Variants in TRPC5 observed in about 807,000 individuals in gnomAD.
The protein encoded by TRPC5 is short transient receptor potential channel 5.
TRPC5 carries 9 observed loss-of-function variants against 56.5 expected under a neutral mutation model. The ratio of observed to expected loss-of-function variants is 0.16; its 90% CI spans 0.10 to 0.28. The LOEUF (loss-of-function observed/expected upper bound fraction) is 0.28, where lower values mean the gene tolerates loss of function less well. TRPC5 is among the 10% of genes least tolerant of loss of function. The pLI is 1.00. For synonymous variants in TRPC5, 282 were observed against 278.5 expected (o/e 1.01, Z -0.13); for missense variants, 469 against 748.9 (o/e 0.63, Z 4.36).
chrX:111,808,256 A>G (rs1470722285), intron 7 of TRPC5, among the ~76,000 whole-genome samples: 2 of 110,635 alleles, frequency 1.8e-5, no homozygotes, highest in Non-Finnish European at 3.8e-5. Flanking sequence ...CAGAGATACC[A>G]TACAGGAGCC....
chrX:111,955,395 G>A (rs1427805641), intron 1 of TRPC5, among the ~76,000 whole-genome samples: 1 of 111,912 alleles, frequency 8.9e-6, no homozygotes, highest in Non-Finnish European at 1.9e-5. Flanking sequence ...CATTAGGAAC[G>A]TTGCTGTGAC....
At chrX:111,909,171 A>C (rs923188768) in intron 3 of TRPC5, among the ~76,000 whole-genome samples, 1 of 104,899 alleles carries the variant, frequency 9.5e-6, no homozygotes, top group African/African-American at 3.5e-5. Context: ...AAAAAAAAAA[A>C]AACCAAAAAT....
In TRPC5 at chrX:111,967,469, GA is replaced by G. The variant is rs1319642007; in HGVS notation, c.-21-15029del. ...ACCAATGACTTTCTTCACAGAACTGGAAAAAAACTACTTTAAAGTTCATAGC... is the reference window on the plus strand; with the variant it reads ...ACCAATGACTTTCTTCACAGAACTGGAAAAAACTACTTTAAAGTTCATAGC... On this transcript the variant is annotated intron_variant, in intron 1 of 10. Transcript: ENST00000262839. Among the ~76,000 whole-genome samples, 5 of 111,522 alleles carry G rather than the reference GA, an allele frequency of 4.5e-5. No individual in the cohort carries two copies. The East Asian group carries it at 8.4e-4, about 19-fold the overall frequency.
chrX:111,932,979 C>A (rs991392228), intron 2 of TRPC5, among the ~76,000 whole-genome samples: 1 of 112,124 alleles, frequency 8.9e-6, no homozygotes, highest in Admixed American at 9.5e-5. Flanking sequence ...TTCCTTCTGA[C>A]CAGCGTGCCA....
intron 2 of TRPC5, among the ~76,000 whole-genome samples, chrX:111,915,803 A>G (rs781709299): frequency 1.8e-5 from 2 of 111,022 alleles, no homozygotes; most frequent in East Asian, 5.7e-4. Context: ...CTGTTTTCAC[A>G]TTAAGGAATT....
intron 7 of TRPC5, among the ~76,000 whole-genome samples, chrX:111,815,862 G>A (rs2148567730): frequency 9.0e-6 from 1 of 111,485 alleles, no homozygotes; most frequent in Admixed American, 9.6e-5. Flanking sequence ...GGACGGTGGA[G>A]AGTAGGTATA....
In TRPC5 at chrX:111,956,442, A is replaced by C. The variant is rs142244058; in HGVS notation, c.-21-4001T>G. The stretch of plus-strand genomic sequence containing the variant: ...TGAATGACTGGTAACACATTGAATA[A>C]ATAATTCTTAATATATACCGGGCAC... On this transcript the variant is annotated intron_variant, in intron 1 of 10. Coordinates refer to ENST00000262839, the MANE Select transcript of TRPC5 (RefSeq NM_012471.3). 1.9e-3 allele frequency among the ~76,000 whole-genome samples: 212 copies of C among 111,726 alleles called. 1 individual carries two copies. The highest frequency in any genetic ancestry group is 6.5e-3 in the African/African-American group (199 of 30,749).
intron 6 of TRPC5, among the ~76,000 whole-genome samples, chrX:111,841,634 C>A (rs767244615): frequency 8.9e-6 from 1 of 111,825 alleles, no homozygotes; most frequent in Admixed American, 9.5e-5. Context: ...TTTTACATTC[C>A]TTTGTCTTTA....
intron 3 of TRPC5, among the ~76,000 whole-genome samples, chrX:111,875,679 G>A (rs1394070352): frequency 5.2e-5 from 5 of 96,899 alleles, no homozygotes; most frequent in African/African-American, 2.0e-4. Context: ...CTTAAAGATT[G>A]CAGTTTATGC....
intron 1 of TRPC5, among the ~76,000 whole-genome samples, chrX:111,975,575 C>A (rs1016835052): frequency 3.6e-5 from 4 of 110,793 alleles, no homozygotes; most frequent in African/African-American, 1.3e-4. Context: ...ATCCCTCCCC[C>A]AGCCCCACAC....
chrX:111,827,900 C>T (rs1048934379), intron 7 of TRPC5, among the ~76,000 whole-genome samples: 1 of 111,300 alleles, frequency 9.0e-6, no homozygotes, highest in Non-Finnish European at 1.9e-5. Flanking sequence ...TGATCTGTCA[C>T]TCACTCCCAT....
chrX:111,813,463 A>G (rs1329631382), intron 7 of TRPC5, among the ~76,000 whole-genome samples: 1 of 112,410 alleles, frequency 8.9e-6, no homozygotes, highest in East Asian at 2.8e-4. Context: ...GGTTAAATGA[A>G]CATGCCTGTT....
intron 6 of TRPC5, among the ~76,000 whole-genome samples, chrX:111,842,153 T>TATATATATATATATATA (rs1922775981): frequency 1.1e-5 from 1 of 89,678 alleles, no homozygotes; most frequent in African/African-American, 5.9e-5. Context: ...TATATGTATA[T>TATATATATATATATATA]TTTAGATGGA....
At chrX:111,822,201 A>T (rs1385691335) in intron 7 of TRPC5, among the ~76,000 whole-genome samples, 1 of 111,293 alleles carries the variant, frequency 9.0e-6, no homozygotes, top group African/African-American at 3.3e-5. Context: ...TCCCCTCCTC[A>T]GTATTCCTCA....
At chrX:111,839,790 C>T (rs930557640) in intron 6 of TRPC5, among the ~76,000 whole-genome samples, 9 of 110,915 alleles carry the variant, frequency 8.1e-5, no homozygotes, top group Non-Finnish European at 3.8e-5. Context: ...AATTATTGCT[C>T]GCTGCAGTTT....
At chrX:111,788,452 A>G (rs1603027989) in intron 7 of TRPC5, among the ~76,000 whole-genome samples, 1 of 112,083 alleles carries the variant, frequency 8.9e-6, no homozygotes, top group Admixed American at 9.5e-5. Context: ...CCCACAGCCA[A>G]TATCATACTG....
At chrX:111,995,356 A>T (rs760750798) in intron 1 of TRPC5, among the ~76,000 whole-genome samples, 2 of 111,842 alleles carry the variant, frequency 1.8e-5, no homozygotes, top group East Asian at 5.6e-4. Flanking sequence ...ATGCTGCTGG[A>T]TTCGGTTTGC....
At chrX:111,837,951 A>T (rs912179876) in intron 6 of TRPC5, among the ~76,000 whole-genome samples, 1 of 105,688 alleles carries the variant, frequency 9.5e-6, no homozygotes. Flanking sequence ...ATGTGCCTGT[A>T]GTCTCAGCTA....
intron 1 of TRPC5, among the ~76,000 whole-genome samples, chrX:112,055,978 A>G (rs1366206669): frequency 9.0e-6 from 1 of 111,244 alleles, no homozygotes; most frequent in East Asian, 2.8e-4. Context: ...CAGGAGTGGG[A>G]GAGGATTCAA....
Sources: gnomAD v4.1 joint callset for allele counts (sites outside exome capture counted in the v4.1 genomes callset) on GRCh38, gnomAD v4.1.1 for gene constraint, MANE v1.5 for transcripts, NCBI Gene and HGNC (gene_info 2026-07-23, HGNC 2026-07-21) for gene names.